GPHN: variants seen among roughly 807,000 people sequenced by gnomAD.
GPHN encodes gephyrin.
GPHN carries 17 observed loss-of-function variants against 95.5 expected under a neutral mutation model. That is an observed-to-expected ratio of 0.18 (90% CI 0.12 to 0.27). The LOEUF (loss-of-function observed/expected upper bound fraction) is 0.27, where lower values mean the gene tolerates loss of function less well. Among genes scored for constraint, GPHN ranks in the 10% least tolerant of loss-of-function variants. The pLI, the probability that GPHN is intolerant of heterozygous loss-of-function variation, is 1.00. For missense variants in GPHN, 660 were observed against 978.1 expected (o/e 0.67, Z 4.34); for synonymous variants, 320 against 322.5 (o/e 0.99, Z 0.08).
intron 1 of GPHN, among the ~76,000 whole-genome samples, chr14:66,632,489 CTTTTT>C (rs60856342): frequency 1.6e-5 from 2 of 122,076 alleles, no homozygotes; most frequent in Non-Finnish European, 3.7e-5. Flanking sequence ...ACAATACATT[CTTTTT>C]TTTTTTTTTT....
the GPHN span, among the ~76,000 whole-genome samples, chr14:67,486,338 G>A: frequency 2.6e-4 from 39 of 152,332 alleles, no homozygotes; most frequent in African/African-American, 7.9e-4. Context: ...GCAATGGCAC[G>A]ATCTTGGCTC....
chr14:67,425,132 T>C, the GPHN span, among the ~76,000 whole-genome samples: 7 of 152,074 alleles, frequency 4.6e-5, no homozygotes, highest in Non-Finnish European at 7.4e-5. Context: ...TTGCCCAGGC[T>C]GGAATGCAGT....
At chr14:67,353,411 G>GTT in the GPHN span, among the ~76,000 whole-genome samples, 2 of 152,152 alleles carry the variant, frequency 1.3e-5, no homozygotes, top group Admixed American at 1.3e-4. Flanking sequence ...AGCTACAGGT[G>GTT]TAAGTGGGAG....
chr14:66,861,955 C>T (rs1018201530), intron 4 of GPHN, among the ~76,000 whole-genome samples: 2 of 151,438 alleles, frequency 1.3e-5, no homozygotes, highest in Non-Finnish European at 3.0e-5. Context: ...GCAAACAAAA[C>T]CCAAAAGTAG....
At chr14:67,514,871 C>T in the GPHN span, among the ~76,000 whole-genome samples, 124,715 of 152,118 alleles carry the variant, frequency 0.82, 51,713 homozygotes, top group Non-Finnish European at 0.89. Flanking sequence ...GGGCGCACCA[C>T]CTATCTAATC....
rs2060245910 is a variant in GPHN at position 66,798,774 on chromosome 14, T to C, written c.201+22253T>C. The stretch of plus-strand genomic sequence containing the variant: ...TTTTCAAAAAAAACTTAAATGTTTG[T>C]TTCATTGATCTTTGATTTTTTTTTC... On this transcript the variant is annotated intron_variant, in intron 3 of 22. Coordinates refer to ENST00000478722, the MANE Select transcript of GPHN (RefSeq NM_020806.5). 1.3e-5 allele frequency among the ~76,000 whole-genome samples: 2 copies of C among 151,878 alleles called. 1 individual carries two copies. Among genetic ancestry groups the C allele is most frequent in the East Asian group, 3.8e-4 (2 of 5,206 alleles).
intron 11 of GPHN, among the ~76,000 whole-genome samples, chr14:67,069,168 C>T (rs1306083159): frequency 6.6e-6 from 1 of 152,144 alleles, no homozygotes; most frequent in Non-Finnish European, 1.5e-5. Context: ...AATGTCTACC[C>T]AATGTAGGGT....
At chr14:67,565,568 C>T in the GPHN span, among the ~76,000 whole-genome samples, 1 of 152,214 alleles carries the variant, frequency 6.6e-6, no homozygotes, top group South Asian at 2.1e-4. Flanking sequence ...TGAAGCCCAG[C>T]TCTCACATTC....
At chr14:67,612,685 C>G in the GPHN span, among the ~76,000 whole-genome samples, 1 of 152,082 alleles carries the variant, frequency 6.6e-6, no homozygotes, top group Non-Finnish European at 1.5e-5. Flanking sequence ...GCCTGTAATC[C>G]CAGCACTTTG....
At chr14:67,127,862 A>G (rs1199258549) in intron 17 of GPHN, among the ~76,000 whole-genome samples, 2 of 152,240 alleles carry the variant, frequency 1.3e-5, no homozygotes, top group Non-Finnish European at 2.9e-5. Flanking sequence ...ATTATGTAGA[A>G]GAGAGCAGTG....
At chr14:66,760,929 C>T (rs1158460128) in intron 2 of GPHN, 27 of 938,454 alleles carry the variant, frequency 2.9e-5, no homozygotes, top group African/African-American at 6.5e-5. Context: ...CCATCTTATC[C>T]GAGCCTCTTT....
intron 2 of GPHN, among the ~76,000 whole-genome samples, chr14:66,711,016 T>C (rs1376637803): frequency 6.6e-6 from 1 of 152,190 alleles, no homozygotes; most frequent in Non-Finnish European, 1.5e-5. Context: ...GCAAATTTTA[T>C]TGTACAAATT....
the GPHN span, chr14:67,651,166 C>A: frequency 2.0e-6 from 2 of 998,138 alleles, no homozygotes; most frequent in Admixed American, 5.7e-5. Context: ...AAGTCATAAA[C>A]AGCATTTATT....
At position 66,835,373 on chromosome 14, in the gene GPHN, G is replaced by A. The variant is rs528604819; in HGVS notation, c.294+10807G>A. On this transcript the variant is annotated intron_variant, in intron 4 of 22. Coordinates refer to ENST00000478722, the MANE Select transcript of GPHN (RefSeq NM_020806.5). ...AGGGTGTCAATTTTGGATCTTTCCTGCTTTCTCTTGTGGGCATTTAGTGCT... is the reference window on the plus strand; with the variant it reads ...AGGGTGTCAATTTTGGATCTTTCCTACTTTCTCTTGTGGGCATTTAGTGCT... Among the ~76,000 whole-genome samples, 839 of 151,958 alleles carry A rather than the reference G, an allele frequency of 5.5e-3. 3 individuals carry two copies. Among genetic ancestry groups the A allele is most frequent in the African/African-American group, 0.019 (801 of 41,424 alleles).
the GPHN span, among the ~76,000 whole-genome samples, chr14:67,724,775 C>T: frequency 7.0e-4 from 107 of 152,352 alleles, no homozygotes; most frequent in African/African-American, 2.5e-3. Context: ...TAAACTGCTT[C>T]TTTCCTATTC....
intron 17 of GPHN, among the ~76,000 whole-genome samples, chr14:67,134,950 C>CTTTTTTTTTTTTTT (rs2079966122): frequency 4.1e-5 from 2 of 48,976 alleles, no homozygotes; most frequent in Non-Finnish European, 8.7e-5. Context: ...TTCTTTCTTT[C>CTTTTTTTTTTTTTT]TTCTTTTTTT....
At chr14:67,533,471 G>A in the GPHN span, 2 of 151,982 alleles carry the variant, frequency 1.3e-5, no homozygotes, top group African/African-American at 4.8e-5. Flanking sequence ...GGCTGCGCGC[G>A]GGGGACGGCC....
chr14:67,255,164 T>A, the GPHN span, among the ~76,000 whole-genome samples: 1 of 151,440 alleles, frequency 6.6e-6, no homozygotes, highest in South Asian at 2.1e-4. Context: ...AAAAAAAAAG[T>A]TCGAATCTCT....
chr14:66,974,653 T>A (rs983193823), intron 9 of GPHN, among the ~76,000 whole-genome samples: 2 of 152,138 alleles, frequency 1.3e-5, no homozygotes, highest in Admixed American at 1.3e-4. Context: ...AAAAAAAATG[T>A]ACTTACTCAT....
Sources: allele counts gnomAD v4.1 joint callset (sites outside exome capture counted in the v4.1 genomes callset), GRCh38; gene constraint gnomAD v4.1.1; transcripts MANE v1.5; gene names NCBI Gene and HGNC (gene_info 2026-07-23, HGNC 2026-07-21).